Variants in RELN observed in about 807,000 individuals in gnomAD.
RELN encodes reelin.
RELN carries 108 observed loss-of-function variants against 427.6 expected under a neutral mutation model. The observed-to-expected ratio is 0.25, with a 90% confidence interval of 0.22 to 0.30. The LOEUF (loss-of-function observed/expected upper bound fraction) is 0.30, where lower values mean the gene tolerates loss of function less well. RELN is among the 10% of genes least tolerant of loss of function. RELN has a pLI of 1.00. For missense variants in RELN, 3,715 were observed against 4,302.8 expected (o/e 0.86, Z 3.82); for synonymous variants, 1,524 against 1,513.4 (o/e 1.01, Z -0.16).
At chr7:103,749,799 G>A (rs1030841156) in intron 5 of RELN, among the ~76,000 whole-genome samples, 1 of 152,184 alleles carries the variant, frequency 6.6e-6, no homozygotes, top group Non-Finnish European at 1.5e-5. Flanking sequence ...TACAAGGAGA[G>A]GCTATTCGGG....
At position 103,563,144 on chromosome 7, in the gene RELN, T is replaced by A. The variant is rs1830676392; in HGVS notation, c.5211-1191A>T. ...AGTACCCTCCTGTGTTTCAATAATA[T>A]CTCTGAGTACTTCCTCTGGTATCAT... On this transcript the variant is annotated intron_variant, in intron 34 of 64. Coordinates refer to ENST00000428762, the MANE Select transcript of RELN (RefSeq NM_005045.4). The surrounding 1 kb of genome is among the most constrained non-coding windows in gnomAD (Gnocchi z 4.1). Among the ~76,000 whole-genome samples the A allele has an allele frequency of 6.6e-6, 1 of 152,198 alleles. No homozygotes were observed. Among genetic ancestry groups the A allele is most frequent in the African/African-American group, 2.4e-5 (1 of 41,438 alleles).
Position 103,604,357 on chromosome 7 carries a change from A to G in RELN, c.3135T>C (p.His1045=), listed in dbSNP as rs886043570. ...TCTGGTGCACATACCTGCATATGCC[A>G]TGATCGCATGAGCCATGCCCACTGC... ...NMCSGHGSCD[H]GICRCDQGYQ... The change falls in exon 23 of 65, where the codon CAT becomes CAC. Residue 1045 remains histidine (H), a synonymous_variant. Coordinates refer to ENST00000428762, the MANE Select transcript of RELN (RefSeq NM_005045.4). The G allele has an allele frequency of 1.2e-6, 2 of 1,613,820 alleles. No homozygotes were observed. Among genetic ancestry groups the G allele is most frequent in the African/African-American group, 1.3e-5 (1 of 75,024 alleles).
chr7:103,604,617 T>A, intron 22 of RELN, 134 bp from the exon 23 acceptor site: 1 of 828,946 alleles, frequency 1.2e-6, no homozygotes, highest in Non-Finnish European at 2.0e-6. Context: ...CATTTTTCTT[T>A]AATTTCCACT....
chr7:103,652,377 C>T (rs1451182878), intron 14 of RELN, among the ~76,000 whole-genome samples, 174 bp downstream of exon 14: 1 of 151,752 alleles, frequency 6.6e-6, no homozygotes, highest in Non-Finnish European at 1.5e-5. Context: ...TCTATCCAAT[C>T]ATACCCCTCA....
At chr7:103,773,534 A>G (rs1179449671) in intron 4 of RELN, among the ~76,000 whole-genome samples, 1 of 148,522 alleles carries the variant, frequency 6.7e-6, no homozygotes, top group East Asian at 2.0e-4. Context: ...CAGTGGTGCA[A>G]TTTCGGCTCA....
chr7:103,983,363 G>A (rs1194569291), intron 1 of RELN, among the ~76,000 whole-genome samples: 1 of 152,224 alleles, frequency 6.6e-6, no homozygotes, highest in Non-Finnish European at 1.5e-5. Flanking sequence ...TCAATGAGAT[G>A]GGCATGGCAG....
intron 1 of RELN, among the ~76,000 whole-genome samples, chr7:103,979,887 C>T (rs1442528190): frequency 1.3e-5 from 2 of 152,110 alleles, no homozygotes; most frequent in African/African-American, 2.4e-5. Context: ...TTTGGCCAGG[C>T]GCGATGGCTC....
rs78478087 is a variant in RELN, at chr7:103,921,148, G to C, written c.227-3963C>G. Among the ~76,000 whole-genome samples, 53 of 152,210 alleles carry C rather than the reference G, an allele frequency of 3.5e-4. No homozygotes were observed. The East Asian group carries it at 6.4e-3, about 18-fold the overall frequency. Reference sequence around the variant, plus strand: ...AGACGGGCAGAGATATTTAGAAATAGTTCTCCCTTGACAAAAATGTTTATA... The same window carrying C: ...AGACGGGCAGAGATATTTAGAAATACTTCTCCCTTGACAAAAATGTTTATA... On this transcript the variant is annotated intron_variant, in intron 1 of 64. Transcript: ENST00000428762.
At chr7:103,912,878 T>A (rs1396530060) in intron 2 of RELN, among the ~76,000 whole-genome samples, 4 of 152,126 alleles carry the variant, frequency 2.6e-5, no homozygotes, top group Non-Finnish European at 5.9e-5. Flanking sequence ...AAGATTTACA[T>A]GATTGAGCTG....
rs535687892 is a variant in RELN at position 103,495,964 on chromosome 7, C to T, written c.9194-66G>A. 3 of 1,539,286 alleles carry T rather than the reference C, an allele frequency of 1.9e-6. No individual in the cohort carries two copies. In the African/African-American group the frequency reaches 4.1e-5, roughly 21 times the overall value. On this transcript the variant is annotated intron_variant, in intron 56 of 64. Transcript: ENST00000428762. ...TTGAGGAAAATTGGAAGCAATATGG[C>T]ATATTATTCTCTTGAACTGACCGAT...
In RELN at chr7:103,484,199, A is replaced by G. The variant is rs115930920; in HGVS notation, c.9984-349T>C. On this transcript the variant is annotated intron_variant, in intron 61 of 64. Coordinates refer to ENST00000428762, the MANE Select transcript of RELN (RefSeq NM_005045.4). ...CCGGCTGGGAAATCATCTTTATACT[A>G]AATTCAGGAAGTATTAAAGGAATTA... is the stretch of plus-strand genomic sequence containing the variant. The G allele has an allele frequency of 6.9e-3, 1,949 of 283,062 alleles. 43 individuals carry two copies. The highest frequency in any genetic ancestry group is 0.039 in the African/African-American group (1,817 of 46,104). 17.5% of individuals were successfully genotyped at this position (283,062 alleles called of 1,614,324 possible).
chr7:103,586,770 C>G (rs1367390895), intron 28 of RELN, among the ~76,000 whole-genome samples: 2 of 152,146 alleles, frequency 1.3e-5, no homozygotes, highest in Non-Finnish European at 2.9e-5. Flanking sequence ...ATCAAGAATT[C>G]AATCCCATTG....
intron 2 of RELN, among the ~76,000 whole-genome samples, chr7:103,839,071 A>G (rs1793485217): frequency 6.6e-6 from 1 of 152,226 alleles, no homozygotes; most frequent in African/African-American, 2.4e-5. Context: ...AATTTGCATT[A>G]GAAATGTGCC....
intron 4 of RELN, among the ~76,000 whole-genome samples, chr7:103,756,190 A>G (rs1048069787): frequency 3.9e-5 from 6 of 152,214 alleles, no homozygotes; most frequent in Non-Finnish European, 8.8e-5. Context: ...ATGGACATCT[A>G]CCTTTGCTAA....
chr7:103,932,663 C>A (rs1563098520), intron 1 of RELN, among the ~76,000 whole-genome samples: 2 of 152,168 alleles, frequency 1.3e-5, no homozygotes, highest in Non-Finnish European at 2.9e-5. Flanking sequence ...CTAGCAGCAA[C>A]AGAAAAGGGC....
At chr7:103,799,601 G>T (rs1183300548) in intron 3 of RELN, among the ~76,000 whole-genome samples, 2 of 152,138 alleles carry the variant, frequency 1.3e-5, no homozygotes, top group African/African-American at 4.8e-5. Flanking sequence ...CCAAGATGTG[G>T]TATCATCTTA....
At chr7:103,738,672 CTTTTTTTTTTTTT>C (rs57390524) in intron 6 of RELN, among the ~76,000 whole-genome samples, 32 of 70,466 alleles carry the variant, frequency 4.5e-4, no homozygotes, top group Non-Finnish European at 7.1e-4. Flanking sequence ...TCCTTCCTTC[CTTTTTTTTTTTTT>C]TTTTTTTTTT....
intron 20 of RELN, among the ~76,000 whole-genome samples, chr7:103,624,843 G>C (rs764246959): frequency 4.0e-5 from 6 of 151,834 alleles, no homozygotes; most frequent in Non-Finnish European, 7.4e-5. Context: ...CGGATGACTA[G>C]TACCAGTGAT....
At chr7:103,933,659 C>G (rs1175078172) in intron 1 of RELN, among the ~76,000 whole-genome samples, 1 of 152,040 alleles carries the variant, frequency 6.6e-6, no homozygotes, top group Non-Finnish European at 1.5e-5. Context: ...AGAGACGGGT[C>G]CATCATTTTG....
Sources: gnomAD v4.1 joint callset for allele counts (sites outside exome capture counted in the v4.1 genomes callset) on GRCh38, gnomAD v4.1.1 for gene constraint, Gnocchi (gnomAD v3.1) non-coding constraint, MANE v1.5 for transcripts, NCBI Gene and HGNC (gene_info 2026-07-23, HGNC 2026-07-21) for gene names.